The following FAM241A variants were observed in gnomAD, a reference collection of about 807,000 sequenced individuals.
The protein encoded by FAM241A is uncharacterized protein FAM241A.
A neutral mutation model predicts 12.2 loss-of-function variants in FAM241A; 7 were observed. That is an observed-to-expected ratio of 0.58 (90% confidence interval 0.33 to 1.08). The LOEUF is 1.08. Ranked by LOEUF, FAM241A falls within the 50% of genes least tolerant of loss-of-function variation. The probability of loss-of-function intolerance (pLI) is 0.04; values close to 1 mark genes in which losing one functional copy is unlikely to be tolerated. For missense variants in FAM241A, 161 were observed against 169.7 expected, an observed-to-expected ratio of 0.95 and a Z score of 0.29; for synonymous variants, 74 against 68.2, an observed-to-expected ratio of 1.08 and a Z score of -0.42.
At position 112,149,114 on chromosome 4, in the gene FAM241A, T is replaced by A. The variant is rs1029636407; in HGVS notation, c.153+3381T>A. Among the ~76,000 whole-genome samples the A allele has an allele frequency of 5.3e-4, 80 of 151,404 alleles. 3 individuals are homozygous for A. The highest frequency in any genetic ancestry group is 2.4e-4 in the Non-Finnish European group (16 of 67,882). Reference sequence around the variant, plus strand: ...GATTTTGATATCAAATATTTTGATATCAAATATGAAACTTGGTATTACTAC... The same window carrying A: ...GATTTTGATATCAAATATTTTGATAACAAATATGAAACTTGGTATTACTAC... On this transcript the variant is annotated intron_variant, in intron 1 of 1. Transcript: ENST00000309733.
intron 1 of FAM241A, among the ~76,000 whole-genome samples, chr4:112,172,068 C>A (rs897845410): frequency 1.3e-5 from 2 of 152,066 alleles, no homozygotes; most frequent in African/African-American, 4.8e-5. Flanking sequence ...GCTTTAGAGC[C>A]AGATTGCCTG....
intron 1 of FAM241A, among the ~76,000 whole-genome samples, chr4:112,168,791 A>G (rs911458098): frequency 6.6e-6 from 1 of 152,060 alleles, no homozygotes; most frequent in Non-Finnish European, 1.5e-5. Flanking sequence ...CAGCCTTCCA[A>G]GTAGCTGGGA....
At position 112,188,038 on chromosome 4, in the gene FAM241A, A is replaced by C. The variant is rs1007737854; in HGVS notation, c.*1100A>C. 1.1e-4 allele frequency: 16 copies of C among 152,248 alleles called. No homozygotes were observed. In the East Asian group the frequency reaches 2.3e-3, roughly 22 times the overall value. The allele number at this position is 152,248 out of a possible 1,614,324, so 9.4% of individuals were successfully genotyped here. A position where few individuals can be genotyped will look rare whatever the true frequency, so the allele number is the denominator to read the frequency against. On this transcript the variant is annotated 3_prime_UTR_variant, in exon 2 of 2. Transcript: ENST00000309733. ...AAGTCACATCAGTAATTGGCTAGCCATGTTATTAAGGTGTCTTAATTCAGC... is the reference window on the plus strand; with the variant it reads ...AAGTCACATCAGTAATTGGCTAGCCCTGTTATTAAGGTGTCTTAATTCAGC...
intron 1 of FAM241A, among the ~76,000 whole-genome samples, chr4:112,176,922 G>T (rs139081028): frequency 4.2e-4 from 64 of 152,214 alleles, no homozygotes; most frequent in African/African-American, 1.5e-3. Context: ...GGAAAAAAAA[G>T]CTCCATCTAT....
intron 1 of FAM241A, among the ~76,000 whole-genome samples, chr4:112,158,890 G>A (rs1348446771): frequency 3.2e-4 from 48 of 151,994 alleles, no homozygotes. Flanking sequence ...ATATATTGCT[G>A]TTAACTGCAG....
chr4:112,160,666 C>T (rs1384708860), intron 1 of FAM241A, among the ~76,000 whole-genome samples: 2 of 152,170 alleles, frequency 1.3e-5, no homozygotes, highest in African/African-American at 4.8e-5. Flanking sequence ...TACTACAGAG[C>T]TTTAGTAACC....
chr4:112,181,691 A>G (rs1488870938), intron 1 of FAM241A, among the ~76,000 whole-genome samples: 2 of 152,208 alleles, frequency 1.3e-5, no homozygotes, highest in African/African-American at 4.8e-5. Flanking sequence ...GGAGAGAGGA[A>G]ATAGTTTTTT....
chr4:112,192,530 T>A lies in FAM241A; in HGVS notation c.*5592T>A. ...CCCCACAACAGTCCCCAGAGTGTGA[T>A]GTTCCCCTTCCTGTGTCCATGTGTT... On this transcript the variant is annotated 3_prime_UTR_variant, in exon 2 of 2. Transcript: ENST00000309733. 1 of 133,282 alleles carries A rather than the reference T, an allele frequency of 7.5e-6. No individual in the cohort carries two copies. The highest frequency in any genetic ancestry group is 1.5e-5 in the Non-Finnish European group (1 of 64,586). The allele number at this position is 133,282 out of a possible 1,614,324, so 8.3% of individuals were successfully genotyped here.
chr4:112,153,386 CT>C (rs1723282220), intron 1 of FAM241A, among the ~76,000 whole-genome samples: 1 of 152,156 alleles, frequency 6.6e-6, no homozygotes, highest in African/African-American at 2.4e-5. Context: ...TTCTGTGTCT[CT>C]ATTCATGTGT....
At chr4:112,173,608 C>G (rs368160854) in intron 1 of FAM241A, among the ~76,000 whole-genome samples, 4 of 152,116 alleles carry the variant, frequency 2.6e-5, no homozygotes, top group East Asian at 3.8e-4. Flanking sequence ...ATATTTAAAG[C>G]CTTTTTTTAA....
At chr4:112,185,283 A>G (rs78870086) in intron 1 of FAM241A, among the ~76,000 whole-genome samples, 4,506 of 152,226 alleles carry the variant, frequency 0.03, 182 homozygotes, top group East Asian at 0.16. Context: ...AATTATTTTA[A>G]CAAAGATAAT....
intron 1 of FAM241A, among the ~76,000 whole-genome samples, chr4:112,166,455 A>G (rs1723597585): frequency 6.6e-6 from 1 of 152,168 alleles, no homozygotes; most frequent in African/African-American, 2.4e-5. Flanking sequence ...CAACTCCTTT[A>G]CAATAAGAGA....
intron 1 of FAM241A, among the ~76,000 whole-genome samples, chr4:112,160,217 G>A (rs1723434368): frequency 6.6e-6 from 1 of 152,014 alleles, no homozygotes; most frequent in Non-Finnish European, 1.5e-5. Flanking sequence ...GACCAGTCTG[G>A]CCAACATGAT....
chr4:112,183,275 A>G (rs1443200150), intron 1 of FAM241A, among the ~76,000 whole-genome samples: 1 of 151,854 alleles, frequency 6.6e-6, no homozygotes, highest in Non-Finnish European at 1.5e-5. Flanking sequence ...GTGTGCTTAA[A>G]TTTTTTTATA....
In FAM241A at chr4:112,186,966, T is replaced by TTTGGTAGCCA; in HGVS notation, c.*30_*39dup. 1 of 1,601,996 alleles carries TTTGGTAGCCA rather than the reference T, an allele frequency of 6.2e-7. No homozygotes were observed. The highest frequency in any genetic ancestry group is 8.5e-7 in the Non-Finnish European group (1 of 1,172,878). On this transcript the variant is annotated 3_prime_UTR_variant, in exon 2 of 2. Coordinates refer to ENST00000309733, the MANE Select transcript of FAM241A (RefSeq NM_152400.3). ...CATGGCCGAATTGAATTGTTTGACA[T>TTTGGTAGCCA]TTGGTAGCCATATATGTAATTGAAG...
At chr4:112,147,570 G>T (rs1205013937) in intron 1 of FAM241A, among the ~76,000 whole-genome samples, 1 of 152,114 alleles carries the variant, frequency 6.6e-6, no homozygotes, top group Non-Finnish European at 1.5e-5. Context: ...ATGAAATTAT[G>T]CATTGCCATG....
intron 1 of FAM241A, among the ~76,000 whole-genome samples, chr4:112,155,128 G>A (rs1578370148): frequency 6.6e-6 from 1 of 151,780 alleles, no homozygotes; most frequent in African/African-American, 2.4e-5. Context: ...TTCATGAAAA[G>A]CCCTTCTCTT....
chr4:112,160,635 A>G (rs565734155), intron 1 of FAM241A, among the ~76,000 whole-genome samples: 1 of 152,328 alleles, frequency 6.6e-6, no homozygotes, highest in African/African-American at 2.4e-5. Context: ...TGGAGGAAAC[A>G]CATTACCTGA....
In FAM241A at chr4:112,190,112, A is replaced by AATCATGTTTT. The variant is rs745319854; in HGVS notation, c.*3174_*3175insATCATGTTTT. On this transcript the variant is annotated 3_prime_UTR_variant, in exon 2 of 2. Transcript: ENST00000309733. ...TGTTTTGACCACAGAAAATCTCTCT[A>AATCATGTTTT]GGCTGTCACCAAGCTGTAAATCCAC... 2.6e-5 allele frequency: 4 copies of AATCATGTTTT among 152,024 alleles called. No homozygotes were observed. Among genetic ancestry groups the AATCATGTTTT allele is most frequent in the African/African-American group, 9.7e-5 (4 of 41,356 alleles). The allele number at this position is 152,024 out of a possible 1,614,324, so 9.4% of individuals were successfully genotyped here. A position where few individuals can be genotyped will look rare whatever the true frequency, so the allele number is the denominator to read the frequency against.
Sources: allele counts gnomAD v4.1 joint callset (sites outside exome capture counted in the v4.1 genomes callset), GRCh38; gene constraint gnomAD v4.1.1; transcripts MANE v1.5; gene names NCBI Gene and HGNC (gene_info 2026-07-23, HGNC 2026-07-21).